Variants in FOXP2 observed in about 807,000 individuals in gnomAD.
The protein encoded by FOXP2 is forkhead box P2, also known as forkhead box protein P2.
A neutral mutation model predicts 115.8 loss-of-function variants in FOXP2; 12 were observed. That is an observed-to-expected ratio of 0.10 (90% CI 0.07 to 0.17). The LOEUF (loss-of-function observed/expected upper bound fraction) is 0.17. FOXP2 is among the 10% of genes least tolerant of loss of function. The probability of loss-of-function intolerance (pLI) is 1.00; values close to 1 mark genes in which losing one functional copy is unlikely to be tolerated. For missense variants in FOXP2, 629 were observed against 843.5 expected (o/e 0.75, Z 3.15); for synonymous variants, 328 against 297.7 (o/e 1.10, Z -1.05).
chr7:114,481,958 A>G (rs1796566903), intron 2 of FOXP2, among the ~76,000 whole-genome samples: 1 of 151,250 alleles, frequency 6.6e-6, no homozygotes, highest in Non-Finnish European at 1.5e-5. Flanking sequence ...CCTGCTTTAA[A>G]AAGAGGGGGG....
intron 2 of FOXP2, among the ~76,000 whole-genome samples, chr7:114,360,003 C>T (rs1391843566): frequency 2.0e-5 from 3 of 152,080 alleles, no homozygotes; most frequent in African/African-American, 7.2e-5. Flanking sequence ...TATGGTTTGG[C>T]TGTGTCCCCA....
upstream of FOXP2, among the ~76,000 whole-genome samples, chr7:114,162,583 A>T (rs1792870647): frequency 6.6e-6 from 1 of 152,164 alleles, no homozygotes; most frequent in Non-Finnish European, 1.5e-5. Context: ...GAGTAAAAAT[A>T]TCTCATACCT....
intron 6 of FOXP2, among the ~76,000 whole-genome samples, chr7:114,633,881 G>C (rs1805061353): frequency 6.6e-6 from 1 of 152,092 alleles, no homozygotes; most frequent in Non-Finnish European, 1.5e-5. Flanking sequence ...TCAGTTTCCA[G>C]TTCACTTTTT....
chr7:114,405,712 G>A (rs190617893), intron 2 of FOXP2, among the ~76,000 whole-genome samples: 2 of 151,858 alleles, frequency 1.3e-5, no homozygotes, highest in Non-Finnish European at 3.0e-5. Flanking sequence ...GGTTATTTAA[G>A]GTTGCTACTG....
chr7:114,112,847 C>T (rs1409923267), intron 1 of FOXP2, among the ~76,000 whole-genome samples: 1 of 152,090 alleles, frequency 6.6e-6, no homozygotes, highest in Non-Finnish European at 1.5e-5. Flanking sequence ...TAATTTGGCT[C>T]TTTCTTCCTC....
intron 1 of FOXP2, among the ~76,000 whole-genome samples, chr7:114,418,041 T>C (rs983774644): frequency 4.6e-5 from 7 of 151,966 alleles, no homozygotes; most frequent in Non-Finnish European, 7.4e-5. Flanking sequence ...TTTGTGAGGG[T>C]ATATTCCTTT....
intron 2 of FOXP2, among the ~76,000 whole-genome samples, chr7:114,481,327 T>C (rs1796527205): frequency 6.6e-6 from 1 of 151,338 alleles, no homozygotes; most frequent in African/African-American, 2.4e-5. Flanking sequence ...GGTTATATTT[T>C]AATTTATTTT....
At chr7:114,431,561 A>C (rs1794112967) in intron 2 of FOXP2, among the ~76,000 whole-genome samples, 1 of 151,852 alleles carries the variant, frequency 6.6e-6, no homozygotes, top group African/African-American at 2.4e-5. Context: ...TTTTTATGTT[A>C]AGTTCACATT....
At chr7:114,432,367 C>G (rs1794147698) in intron 2 of FOXP2, among the ~76,000 whole-genome samples, 1 of 151,920 alleles carries the variant, frequency 6.6e-6, no homozygotes, top group Non-Finnish European at 1.5e-5. Context: ...AATTTAGAAA[C>G]CATAATCATT....
chr7:114,157,069 G>A (rs1011692485), intron 1 of FOXP2, among the ~76,000 whole-genome samples: 1 of 152,094 alleles, frequency 6.6e-6, no homozygotes, highest in Non-Finnish European at 1.5e-5. Context: ...AAAAGATTAA[G>A]AAGGACTTAA....
At chr7:114,518,301 T>G (rs1798442334) in intron 2 of FOXP2, among the ~76,000 whole-genome samples, 1 of 152,184 alleles carries the variant, frequency 6.6e-6, no homozygotes, top group Non-Finnish European at 1.5e-5. Context: ...TTTAATAATA[T>G]TCAATGAAAT....
intron 2 of FOXP2, among the ~76,000 whole-genome samples, chr7:114,305,972 A>G (rs1159079448): frequency 2.6e-5 from 4 of 152,092 alleles, no homozygotes; most frequent in Admixed American, 6.6e-5. Context: ...AGTCATAAAA[A>G]AAGCAACTGG....
intron 2 of FOXP2, among the ~76,000 whole-genome samples, chr7:114,406,101 A>C (rs1562907233): frequency 2.0e-5 from 3 of 151,378 alleles, no homozygotes; most frequent in Non-Finnish European, 4.4e-5. Context: ...ATATGCAACA[A>C]ATTTTAAGAT....
chr7:114,339,355 G>A, intron 2 of FOXP2, among the ~76,000 whole-genome samples: 1 of 151,202 alleles, frequency 6.6e-6, no homozygotes, highest in East Asian at 1.9e-4. Context: ...TATTAAATGT[G>A]ATTTAAATGA....
intron 2 of FOXP2, among the ~76,000 whole-genome samples, chr7:114,521,277 C>T (rs1324939925): frequency 2.0e-5 from 3 of 151,882 alleles, no homozygotes; most frequent in Non-Finnish European, 4.4e-5. Flanking sequence ...TAAATAAATT[C>T]GTAAACTGAA....
At position 114,315,788 on chromosome 7, in the gene FOXP2, C is replaced by A. The variant is rs1037606137; in HGVS notation, c.-11+27679C>A. On this transcript the variant is annotated intron_variant, in intron 2 of 17. Transcript: ENST00000634411. ...TGTAAGACCCTGGTCAGAACATTTC[C>A]ATCAGTTGATCAATATATAACCTTG... Among the ~76,000 whole-genome samples the A allele has an allele frequency of 1.3e-5, 2 of 152,116 alleles. 1 individual carries two copies. The highest frequency in any genetic ancestry group is 4.8e-5 in the African/African-American group (2 of 41,412).
chr7:114,222,706 T>C (rs1363013073), intron 1 of FOXP2, among the ~76,000 whole-genome samples: 1 of 152,234 alleles, frequency 6.6e-6, no homozygotes, highest in African/African-American at 2.4e-5. Flanking sequence ...TGTTGCTTCA[T>C]GAGCGTATTT....
At chr7:114,498,108 A>G (rs1428549144) in intron 2 of FOXP2, among the ~76,000 whole-genome samples, 1 of 152,166 alleles carries the variant, frequency 6.6e-6, no homozygotes, top group Non-Finnish European at 1.5e-5. Context: ...ACCTCTCAGA[A>G]TCCGTTGCTT....
intron 16 of FOXP2, among the ~76,000 whole-genome samples, chr7:114,683,818 T>C (rs1808218348): frequency 6.6e-6 from 1 of 152,170 alleles, no homozygotes; most frequent in Non-Finnish European, 1.5e-5. Flanking sequence ...GAAATGGAAG[T>C]TATTATTCAG....
Sources: allele counts gnomAD v4.1 joint callset (sites outside exome capture counted in the v4.1 genomes callset), GRCh38; gene constraint gnomAD v4.1.1; transcripts MANE v1.5; gene names NCBI Gene and HGNC (gene_info 2026-07-23, HGNC 2026-07-21).